BCL9L: variants seen among roughly 807,000 people sequenced by gnomAD.
BCL9L encodes BCL9 like.
BCL9L carries 19 observed loss-of-function variants against 99.4 expected under a neutral mutation model. The observed-to-expected ratio is 0.19, with a 90% CI of 0.13 to 0.28. BCL9L has a LOEUF of 0.28. Ranked by LOEUF, BCL9L falls within the 10% of genes least tolerant of loss-of-function variation. BCL9L has a pLI of 1.00. For missense variants in BCL9L, 2,023 were observed against 2,101.6 expected, an observed-to-expected ratio of 0.96 and a Z score of 0.73; for synonymous variants, 900 against 854.8, an observed-to-expected ratio of 1.05 and a Z score of -0.92.
chr11:118,907,748 G>A (rs2137719156), intron 4 of BCL9L, 146 bp from the exon 5 acceptor site: 5 of 1,279,120 alleles, frequency 3.9e-6, no homozygotes, highest in Admixed American at 2.5e-5. Flanking sequence ...CCAGCCCGTG[G>A]CCCCCACCAC....
chr11:118,905,512 CAAAAA>C (rs761526586), intron 5 of BCL9L, among the ~76,000 whole-genome samples: 1 of 38,574 alleles, frequency 2.6e-5, no homozygotes, highest in African/African-American at 9.9e-5. Flanking sequence ...GACTCTGTCT[CAAAAA>C]AAAAAAAAAA....
In BCL9L at chr11:118,899,331, C is replaced by T. The variant is rs774065879; in HGVS notation, c.3584G>A (p.Gly1195Glu). The T allele has an allele frequency of 3.2e-6, 5 of 1,569,326 alleles. No homozygotes were observed. The East Asian group carries it at 9.2e-5, about 29-fold the overall frequency. Residue 1195 changes from glycine to glutamate, a missense_variant, in exon 10 of 10, where the codon GGG (glycine) becomes GAG (glutamate). By Grantham distance (98) the Gly-to-Glu change is moderately conservative. Transcript: ENST00000683865. ...IPLHPNAQGT[G>E]GPPQNSMMMA... ...CATCATGGAGTTTTGAGGGGGCCCC[C>T]CTGTCCCCTGTGCGTTGGGATGCAG... is the stretch of plus-strand genomic sequence containing the variant.
chr11:118,899,398 C>T lies in BCL9L; in HGVS notation c.3517G>A (p.Ala1173Thr), dbSNP rs777675767. ...AGAGGGGTGGGGGAGGGCAGCATGGCGGGCGGGGGCTCATGGGACAGGGGC... is the reference window on the plus strand; with the variant it reads ...AGAGGGGTGGGGGAGGGCAGCATGGTGGGCGGGGGCTCATGGGACAGGGGC... Reference protein sequence around the residue: ...QQPLSHEPPPAMLPSPTPLGS... With the variant: ...QQPLSHEPPPTMLPSPTPLGS... Residue 1173 changes from alanine to threonine, a missense_variant, in exon 10 of 10, where the codon GCC becomes ACC. This residue lies in a region of BCL9L where 902 missense variants were observed against 888.2 expected (regional missense o/e 1.02). Coordinates refer to ENST00000683865, the MANE Select transcript of BCL9L (RefSeq NM_001378213.1). 2.1e-5 allele frequency: 27 copies of T among 1,305,128 alleles called. No individual in the cohort carries two copies. The highest frequency in any genetic ancestry group is 2.3e-5 in the Non-Finnish European group (22 of 950,034). The allele number at this position is 1,305,128 out of a possible 1,614,324, so 80.8% of individuals were successfully genotyped here.
In BCL9L at chr11:118,901,823, G is replaced by C; in HGVS notation, c.1920C>G (p.Thr640=). Residue 640 remains threonine (T), a synonymous_variant, in exon 8 of 10, where the codon ACC becomes ACG. Transcript: ENST00000683865. This position sits in a 1 kb window ranked among gnomAD's most constrained non-coding sequence, Gnocchi z 6.6. ...GTCCCCCCATAGGGGGCAAGTCTTC[G>C]GTCCAGCCCATGCCTGGTCTCACGG... ...QRPVRPGMGW[T]EDLPPMGGPS... is the part of the protein sequence containing the mutation. 6.2e-7 allele frequency: 1 copy of C among 1,609,840 alleles called. No individual in the cohort carries two copies. The highest frequency in any genetic ancestry group is 8.5e-7 in the Non-Finnish European group (1 of 1,176,552).
intron 2 of BCL9L, among the ~76,000 whole-genome samples, chr11:118,917,476 G>A (rs1285435705): frequency 6.6e-6 from 1 of 152,102 alleles, no homozygotes; most frequent in East Asian, 1.9e-4. Context: ...CTCGCCTAAG[G>A]CCCATAATTT....
rs1401452125 is a variant in BCL9L at position 118,914,447 on chromosome 11, G to A, written c.-77+4379C>T. ...AGCCAGAGGCAGAGGCATCCTCCTGGCCCCTCACCTCCCCTGATGGCTCAC... is the reference window on the plus strand; with the variant it reads ...AGCCAGAGGCAGAGGCATCCTCCTGACCCCTCACCTCCCCTGATGGCTCAC... On this transcript the variant is annotated intron_variant, in intron 2 of 9. Coordinates refer to ENST00000683865, the MANE Select transcript of BCL9L (RefSeq NM_001378213.1). This position sits in a 1 kb window ranked among gnomAD's most constrained non-coding sequence, Gnocchi z 4.4. 6.6e-6 allele frequency among the ~76,000 whole-genome samples: 1 copy of A among 152,168 alleles called. No homozygotes were observed. Among genetic ancestry groups the A allele is most frequent in the Non-Finnish European group, 1.5e-5 (1 of 68,024 alleles).
Position 118,898,336 on chromosome 11 carries a change from T to G in BCL9L, c.*79A>C. 1 of 711,136 alleles carries G rather than the reference T, an allele frequency of 1.4e-6. No individual in the cohort carries two copies. Among genetic ancestry groups the G allele is most frequent in the Non-Finnish European group, 2.0e-6 (1 of 493,356 alleles). The allele number at this position is 711,136 out of a possible 1,614,324, so 44.1% of individuals were successfully genotyped here. Reference sequence around the variant, plus strand: ...CCACCCCACCCCGCGACCCAGGCCATCCCAACATTGAGGGGAAGAACTTTG... The same window carrying G: ...CCACCCCACCCCGCGACCCAGGCCAGCCCAACATTGAGGGGAAGAACTTTG... On this transcript the variant is annotated 3_prime_UTR_variant, in exon 10 of 10. Transcript: ENST00000683865.
chr11:118,901,710 A>C lies in BCL9L; in HGVS notation c.2033T>G (p.Leu678Arg), dbSNP rs1940248586. The C allele has an allele frequency of 1.9e-6, 3 of 1,613,522 alleles. No individual in the cohort carries two copies. The highest frequency in any genetic ancestry group is 2.5e-6 in the Non-Finnish European group (3 of 1,179,942). The change falls in exon 8 of 10, where the codon CTG becomes CGG. Residue 678 changes from leucine (L) to arginine (R), a missense_variant. By Grantham distance (102) the Leu-to-Arg change is moderately radical. Transcript: ENST00000683865. This position sits in a 1 kb window ranked among gnomAD's most constrained non-coding sequence, Gnocchi z 6.6. ...CTTCTCCAGCAGCTGGTGCCGCAGC[A>C]GCTCCTCACGGACCCGGGGAGTCAT... The part of the protein sequence containing the change: ...RFMTPRVREE[L>R]LRHQLLEKRS...
intron 2 of BCL9L, 174 bp from the exon 3 acceptor site, chr11:118,910,189 C>A: frequency 1.8e-6 from 1 of 556,502 alleles, no homozygotes; most frequent in East Asian, 3.1e-5. Context: ...AGCCCTGTCC[C>A]CATCCCTCCC....
Position 118,918,360 on chromosome 11 carries a change from C to A in BCL9L, c.-77+466G>T, listed in dbSNP as rs1941035417. On this transcript the variant is annotated intron_variant, in intron 2 of 9. Coordinates refer to ENST00000683865, the MANE Select transcript of BCL9L (RefSeq NM_001378213.1). The stretch of plus-strand genomic sequence containing the variant: ...ACCAGGGGCCAGGGCAGAAACCACA[C>A]TACTGTGGCTGGTAGCCACCCTGGC... Among the ~76,000 whole-genome samples the A allele has an allele frequency of 3.3e-5, 5 of 152,124 alleles. No individual in the cohort carries two copies. In the South Asian group the frequency reaches 1.0e-3, roughly 31 times the overall value.
Position 118,899,269 on chromosome 11 carries a change from A to AG in BCL9L, c.3645dup (p.Cys1216LeufsTer118). 1 of 1,529,184 alleles carries AG rather than the reference A, an allele frequency of 6.5e-7. No homozygotes were observed. The allele number at this position is 1,529,184 out of a possible 1,614,324, so 94.7% of individuals were successfully genotyped here. ...TGGGAGGAGCTGGGCACTGGGCCACAGGGGGCATTCAGGGAGTCGGGGCCC... is the reference window on the plus strand; with the variant it reads ...TGGGAGGAGCTGGGCACTGGGCCACAGGGGGGCATTCAGGGAGTCGGGGCCC... On this transcript the variant is annotated frameshift_variant, in exon 10 of 10. Transcript: ENST00000683865. LOFTEE classifies it high-confidence loss of function.
chr11:118,899,588 C>T, intron 9 of BCL9L, 80 bp from the exon 10 acceptor site: 3 of 1,536,546 alleles, frequency 2.0e-6, no homozygotes, highest in Non-Finnish European at 2.7e-6. Flanking sequence ...TTCCCCACTC[C>T]CAAGCCAGGG....
In BCL9L at chr11:118,922,952, A is replaced by G. The variant is rs917205569; in HGVS notation, c.-131+2286T>C. 2.0e-5 allele frequency among the ~76,000 whole-genome samples: 3 copies of G among 152,058 alleles called. No homozygotes were observed. Among genetic ancestry groups the G allele is most frequent in the African/African-American group, 4.8e-5 (2 of 41,394 alleles). On this transcript the variant is annotated intron_variant, in intron 1 of 9. Coordinates refer to ENST00000683865, the MANE Select transcript of BCL9L (RefSeq NM_001378213.1). The surrounding 1 kb of genome is among the most constrained non-coding windows in gnomAD (Gnocchi z 6.2). ...CACCCCAGCTCTCCAGAGCTGTCCC[A>G]GGGTCCTGGGACAGAACTTCAGCGT...
At chr11:118,909,465 A>C (rs986614518) in intron 3 of BCL9L, among the ~76,000 whole-genome samples, 2 of 152,064 alleles carry the variant, frequency 1.3e-5, no homozygotes, top group Non-Finnish European at 2.9e-5. Context: ...GATTTATTTC[A>C]GCTCTGCTGT....
chr11:118,910,086 G>A (rs1389217710), intron 2 of BCL9L, 71 bp from the exon 3 acceptor site: 1 of 1,124,324 alleles, frequency 8.9e-7, no homozygotes. Flanking sequence ...GGGGAGAAGG[G>A]AGGACCCAAC....
At chr11:118,909,138 C>CCCA (rs1314821838) in intron 3 of BCL9L, among the ~76,000 whole-genome samples, 1 of 152,210 alleles carries the variant, frequency 6.6e-6, no homozygotes, top group Non-Finnish European at 1.5e-5. Flanking sequence ...GGTCTCATTC[C>CCCA]CCAGGGACAG....
intron 4 of BCL9L, 126 bp from the exon 5 acceptor site, chr11:118,907,728 G>A (rs1028490931): frequency 4.9e-6 from 7 of 1,436,000 alleles, no homozygotes; most frequent in Admixed American, 4.6e-5. Flanking sequence ...AGGCCATGGT[G>A]GGCACTTCGC....
intron 5 of BCL9L, among the ~76,000 whole-genome samples, chr11:118,907,239 G>A (rs1025079268): frequency 6.6e-6 from 1 of 152,130 alleles, no homozygotes; most frequent in Non-Finnish European, 1.5e-5. Flanking sequence ...TGCAGGTGAC[G>A]TGACCAAGAA....
chr11:118,900,552 C>T lies in BCL9L; in HGVS notation c.3124+67G>A. ...GGCCCTTACTCACTCACTGCCCAGC[C>T]CCAGCATGGACACACTGCTCAGCGC... On this transcript the variant is annotated intron_variant, in intron 8 of 9. Coordinates refer to ENST00000683865, the MANE Select transcript of BCL9L (RefSeq NM_001378213.1). The surrounding 1 kb of genome is among the most constrained non-coding windows in gnomAD (Gnocchi z 5.3). The T allele has an allele frequency of 6.5e-7, 1 of 1,534,130 alleles. No individual in the cohort carries two copies. Among genetic ancestry groups the T allele is most frequent in the South Asian group, 1.3e-5 (1 of 79,812 alleles).
Sources: allele counts gnomAD v4.1 joint callset (sites outside exome capture counted in the v4.1 genomes callset), GRCh38; gene constraint gnomAD v4.1.1; regional missense constraint gnomAD v4.1.1; non-coding constraint Gnocchi (gnomAD v3.1); transcripts MANE v1.5; gene names NCBI Gene and HGNC (gene_info 2026-07-23, HGNC 2026-07-21).